Variants in MCTP1 observed in about 807,000 individuals in gnomAD.
The protein encoded by MCTP1 is multiple C2 and transmembrane domain-containing protein 1.
In MCTP1, 69 loss-of-function variants were observed where a neutral mutation model predicts 120.6. The ratio of observed to expected loss-of-function variants is 0.57; its 90% CI spans 0.47 to 0.70. MCTP1 has a LOEUF of 0.70. Among genes scored for constraint, MCTP1 ranks in the 30% least tolerant of loss-of-function variants. The probability of loss-of-function intolerance (pLI) is 0.00; values close to 1 mark genes in which losing one functional copy is unlikely to be tolerated. For missense variants in MCTP1, 1,203 were observed against 1,248.8 expected (o/e 0.96, Z 0.55); for synonymous variants, 529 against 493.1 (o/e 1.07, Z -0.96).
At chr5:94,934,915 T>C (rs181716994) in intron 5 of MCTP1, among the ~76,000 whole-genome samples, 1 of 152,032 alleles carries the variant, frequency 6.6e-6, no homozygotes, top group African/African-American at 2.4e-5. Context: ...AAGCTGTGGA[T>C]TGAACTCTGC....
At chr5:95,201,463 G>A (rs1751008799) in intron 1 of MCTP1, among the ~76,000 whole-genome samples, 2 of 120,682 alleles carry the variant, frequency 1.7e-5, no homozygotes, top group African/African-American at 6.0e-5. Flanking sequence ...AAGGAAAAGT[G>A]GTTTTTTTTT....
intron 10 of MCTP1, among the ~76,000 whole-genome samples, chr5:94,904,529 T>G (rs2153425531): frequency 6.6e-6 from 1 of 152,358 alleles, no homozygotes. Context: ...AAAGTTATAG[T>G]AAGTGTCTTG....
At chr5:95,236,864 C>T (rs1755597662) in intron 1 of MCTP1, among the ~76,000 whole-genome samples, 2 of 152,142 alleles carry the variant, frequency 1.3e-5, no homozygotes, top group African/African-American at 4.8e-5. Context: ...ATGAAGAGTG[C>T]CTCCGTCCTT....
At chr5:94,950,990 A>G (rs1479000419) in intron 3 of MCTP1, among the ~76,000 whole-genome samples, 1 of 152,008 alleles carries the variant, frequency 6.6e-6, no homozygotes, top group East Asian at 1.9e-4. Context: ...TATGGGGTAC[A>G]AGTACAGTTG....
At chr5:95,068,843 TA>T (rs1751363040) in intron 1 of MCTP1, 17 of 1,258,504 alleles carry the variant, frequency 1.4e-5, no homozygotes, top group Non-Finnish European at 1.6e-5. Context: ...CCAAAGAAAT[TA>T]TAAAAATTTT....
At chr5:95,212,609 C>A (rs1158764006) in intron 1 of MCTP1, among the ~76,000 whole-genome samples, 1 of 151,852 alleles carries the variant, frequency 6.6e-6, no homozygotes, top group African/African-American at 2.4e-5. Context: ...ATGCAAAAAT[C>A]CTCAATAAAA....
At chr5:95,029,983 C>T (rs892691179) in intron 1 of MCTP1, among the ~76,000 whole-genome samples, 22 of 152,294 alleles carry the variant, frequency 1.4e-4, no homozygotes, top group Admixed American at 5.2e-4. Flanking sequence ...CTACACAGAA[C>T]GGCAGCGTTC....
At chr5:94,752,224 G>A (rs1353569706) in intron 19 of MCTP1, among the ~76,000 whole-genome samples, 1 of 147,200 alleles carries the variant, frequency 6.8e-6, no homozygotes, top group Non-Finnish European at 1.5e-5. Flanking sequence ...GAGAGTCAGG[G>A]AAGAGCGCTT....
rs866631354 is a variant in MCTP1, at chr5:94,781,135, T to G, written c.2557-1972A>C. Among the ~76,000 whole-genome samples, 213 of 141,312 alleles carry G rather than the reference T, an allele frequency of 1.5e-3. 2 individuals are homozygous for G. Among genetic ancestry groups the G allele is most frequent in the African/African-American group, 5.8e-3 (202 of 35,108 alleles). The allele number at this position is 141,312 out of a possible 152,430, so 92.7% of individuals were successfully genotyped here. A position where few individuals can be genotyped will look rare whatever the true frequency, so the allele number is the denominator to read the frequency against. Reference sequence around the variant, plus strand: ...ATCTTTTAGATTTAAATGAAGTATTTTTTTTTTTTTTGCTGAAATTACCCA... The same window carrying G: ...ATCTTTTAGATTTAAATGAAGTATTGTTTTTTTTTTTGCTGAAATTACCCA... On this transcript the variant is annotated intron_variant, in intron 18 of 22. Transcript: ENST00000515393.
intron 19 of MCTP1, among the ~76,000 whole-genome samples, chr5:94,735,181 T>A (rs1332298478): frequency 2.0e-5 from 3 of 152,216 alleles, no homozygotes; most frequent in South Asian, 4.1e-4. Flanking sequence ...GACACGGAGT[T>A]ACCCATTTCC....
intron 10 of MCTP1, among the ~76,000 whole-genome samples, chr5:94,905,685 T>A (rs532283446): frequency 6.6e-6 from 1 of 152,246 alleles, no homozygotes; most frequent in Non-Finnish European, 1.5e-5. Flanking sequence ...GGAGCAGATG[T>A]GTGGGACTGA....
At chr5:94,981,832 G>A (rs1829478031) in intron 2 of MCTP1, among the ~76,000 whole-genome samples, 1 of 152,178 alleles carries the variant, frequency 6.6e-6, no homozygotes, top group Admixed American at 6.6e-5. Flanking sequence ...AATGAAAGGA[G>A]ATGAAATCAG....
At chr5:95,101,504 G>C (rs558501589) in intron 1 of MCTP1, among the ~76,000 whole-genome samples, 1 of 152,162 alleles carries the variant, frequency 6.6e-6, no homozygotes, top group African/African-American at 2.4e-5. Flanking sequence ...TCAACCTAAC[G>C]TGGATTCTGA....
At chr5:95,019,970 A>C (rs1312860988) in intron 1 of MCTP1, among the ~76,000 whole-genome samples, 1 of 152,130 alleles carries the variant, frequency 6.6e-6, no homozygotes, top group Non-Finnish European at 1.5e-5. Flanking sequence ...GTTGAGGTCC[A>C]ATTGTGTTTC....
intron 19 of MCTP1, among the ~76,000 whole-genome samples, chr5:94,756,463 T>C (rs982672872): frequency 2.6e-5 from 4 of 152,148 alleles, no homozygotes; most frequent in African/African-American, 9.7e-5. Context: ...TCTATGAAGA[T>C]AGGAACTGCA....
Position 94,708,442 on chromosome 5 carries a change from A to C in MCTP1, c.2928+70T>G, listed in dbSNP as rs980464409. On this transcript the variant is annotated intron_variant, in intron 22 of 22. Transcript: ENST00000515393. ...TTCTAAAGCCTTTGAAATTAGAAGG[A>C]TATAAAAGCTAAAACCCCATGCCAC... is the stretch of plus-strand genomic sequence containing the variant. 9 of 909,566 alleles carry C rather than the reference A, an allele frequency of 9.9e-6. No homozygotes were observed. In the African/African-American group the frequency reaches 1.2e-4, roughly 12 times the overall value. The allele number at this position is 909,566 out of a possible 1,614,324, so 56.3% of individuals were successfully genotyped here.
intron 2 of MCTP1, among the ~76,000 whole-genome samples, chr5:94,961,939 A>G (rs1017179004): frequency 6.6e-6 from 1 of 152,128 alleles, no homozygotes; most frequent in African/African-American, 2.4e-5. Context: ...GATTCTGGAT[A>G]TTAGTCCTTT....
At chr5:95,050,875 T>C (rs1745729457) in intron 1 of MCTP1, among the ~76,000 whole-genome samples, 1 of 152,142 alleles carries the variant, frequency 6.6e-6, no homozygotes, top group South Asian at 2.1e-4. Context: ...TCAACATGAC[T>C]AGTATCCTAA....
At chr5:94,818,529 A>T (rs1784947096) in intron 17 of MCTP1, among the ~76,000 whole-genome samples, 1 of 152,210 alleles carries the variant, frequency 6.6e-6, no homozygotes, top group Non-Finnish European at 1.5e-5. Context: ...TGGAGTTTAC[A>T]TACTGCGCTA....
Sources: gnomAD v4.1 joint callset for allele counts (sites outside exome capture counted in the v4.1 genomes callset) on GRCh38, gnomAD v4.1.1 for gene constraint, MANE v1.5 for transcripts, NCBI Gene and HGNC (gene_info 2026-07-23, HGNC 2026-07-21) for gene names.